NIPAL2: variants seen among roughly 807,000 people sequenced by gnomAD.
NIPAL2 encodes the protein NIPA-like protein 2.
Under a neutral mutation model 48.9 loss-of-function variants are expected in NIPAL2, and 43 were observed. That is an observed-to-expected ratio of 0.88 (90% confidence interval 0.69 to 1.13). NIPAL2 has a LOEUF of 1.13. NIPAL2 is among the 50% of genes most tolerant of loss of function. The pLI is 0.00. For missense variants in NIPAL2, 446 were observed against 461.4 expected (o/e 0.97, Z 0.31); for synonymous variants, 167 against 174.6 (o/e 0.96, Z 0.34).
At chr8:98,194,886 TG>T (rs1383158026) in intron 9 of NIPAL2, 64 bp from the exon 10 acceptor site, 1 of 929,782 alleles carries the variant, frequency 1.1e-6, no homozygotes, top group Admixed American at 2.9e-5. Context: ...ATTAAATAAC[TG>T]AGCTCCATAT....
chr8:98,226,650 G>A lies in NIPAL2; in HGVS notation c.437-4050C>T, dbSNP rs575851570. ...TCCTGAATTGCCTGGAGTTGGGGGC[G>A]AGGGGTGGAATGACACAAGCACCCC... On this transcript the variant is annotated intron_variant, in intron 4 of 10. Coordinates refer to ENST00000430223, the MANE Select transcript of NIPAL2 (RefSeq NM_001321635.2). 2.6e-5 allele frequency among the ~76,000 whole-genome samples: 4 copies of A among 152,176 alleles called. No individual in the cohort carries two copies. In the South Asian group the frequency reaches 6.2e-4, roughly 24 times the overall value.
intron 8 of NIPAL2, among the ~76,000 whole-genome samples, chr8:98,202,261 A>ACTGT (rs374473062): frequency 1.3e-5 from 2 of 152,302 alleles, no homozygotes; most frequent in African/African-American, 4.8e-5. Flanking sequence ...TTTGGATTGT[A>ACTGT]CTGTCTGATC....
At chr8:98,262,932 C>T (rs1032067629) in intron 1 of NIPAL2, among the ~76,000 whole-genome samples, 4 of 151,012 alleles carry the variant, frequency 2.6e-5, no homozygotes, top group African/African-American at 7.3e-5. Context: ...AACTATCTCT[C>T]AGACCACAGT....
chr8:98,278,180 G>C lies in NIPAL2; in HGVS notation c.135+15823C>G, dbSNP rs894611112. Reference sequence around the variant, plus strand: ...ATTGTTGCTCCTTTGTAGGCAATCTGTTATTTTTCTCAGAATGCTTTTAAG... The same window carrying C: ...ATTGTTGCTCCTTTGTAGGCAATCTCTTATTTTTCTCAGAATGCTTTTAAG... On this transcript the variant is annotated intron_variant, in intron 1 of 10. Coordinates refer to ENST00000430223, the MANE Select transcript of NIPAL2 (RefSeq NM_001321635.2). Among the ~76,000 whole-genome samples the C allele has an allele frequency of 7.2e-5, 11 of 152,162 alleles. No individual in the cohort carries two copies. The East Asian group carries it at 2.1e-3, about 29-fold the overall frequency.
At chr8:98,231,816 A>G (rs1812454570) in intron 4 of NIPAL2, 1 of 152,192 alleles carries the variant, frequency 6.6e-6, no homozygotes, top group Non-Finnish European at 1.5e-5. Flanking sequence ...TGGTCCCCAA[A>G]TCTTCATTTG....
chr8:98,190,339 T>A lies in NIPAL2; in HGVS notation c.*2639A>T, dbSNP rs868208539. ...TTTGTTTGTTTGTTTGTTTGTTTGTTTTTGAGACAGTCTTACTCTGTCGCC... is the reference window on the plus strand; with the variant it reads ...TTTGTTTGTTTGTTTGTTTGTTTGTATTTGAGACAGTCTTACTCTGTCGCC... On this transcript the variant is annotated 3_prime_UTR_variant, in exon 11 of 11. Coordinates refer to ENST00000430223, the MANE Select transcript of NIPAL2 (RefSeq NM_001321635.2). 1 of 167,422 alleles carries A rather than the reference T, an allele frequency of 6.0e-6. No homozygotes were observed. The allele number at this position is 167,422 out of a possible 1,614,324, so 10.4% of individuals were successfully genotyped here.
intron 4 of NIPAL2, among the ~76,000 whole-genome samples, chr8:98,223,153 T>G (rs1295849170): frequency 6.6e-6 from 1 of 152,240 alleles, no homozygotes; most frequent in Admixed American, 6.5e-5. Flanking sequence ...TGGAGTCCTT[T>G]TAGCAGCAAT....
chr8:98,234,374 A>G (rs1162020083), intron 4 of NIPAL2, among the ~76,000 whole-genome samples: 1 of 152,196 alleles, frequency 6.6e-6, no homozygotes, highest in East Asian at 1.9e-4. Context: ...CCCCCTTTAT[A>G]TCTGCATTCT....
chr8:98,257,920 G>A (rs921652587), intron 1 of NIPAL2, among the ~76,000 whole-genome samples: 12 of 152,178 alleles, frequency 7.9e-5, no homozygotes, highest in African/African-American at 2.7e-4. Flanking sequence ...CATCTTATGT[G>A]TATTGATTGA....
At chr8:98,272,781 A>AT (rs1196822191) in intron 1 of NIPAL2, among the ~76,000 whole-genome samples, 3 of 152,070 alleles carry the variant, frequency 2.0e-5, no homozygotes, top group Non-Finnish European at 4.4e-5. Context: ...TGCCTGGCTA[A>AT]TTTTTTATAA....
chr8:98,257,903 C>A (rs768207389), intron 1 of NIPAL2, among the ~76,000 whole-genome samples: 12 of 152,084 alleles, frequency 7.9e-5, no homozygotes, highest in Non-Finnish European at 1.5e-4. Context: ...TAGACGGAAC[C>A]AATGCACATC....
chr8:98,217,637 C>A (rs948641602), intron 5 of NIPAL2, among the ~76,000 whole-genome samples: 2 of 152,156 alleles, frequency 1.3e-5, no homozygotes, highest in Admixed American at 6.5e-5. Context: ...AAATTCATCA[C>A]TTCTAGAGTC....
At position 98,217,362 on chromosome 8, in the gene NIPAL2, A is replaced by G. The variant is rs934619215; in HGVS notation, c.559-4861T>C. 12 of 528,722 alleles carry G rather than the reference A, an allele frequency of 2.3e-5. No homozygotes were observed. The African/African-American group carries it at 2.5e-4, about 11-fold the overall frequency. 32.8% of individuals were successfully genotyped at this position (528,722 alleles called of 1,614,324 possible). ...CCGCACTATTATGATTCCTTTTGTGAGAAATATAAAATGTATTCAGGCTTA... is the reference window on the plus strand; with the variant it reads ...CCGCACTATTATGATTCCTTTTGTGGGAAATATAAAATGTATTCAGGCTTA... On this transcript the variant is annotated intron_variant, in intron 5 of 10. Transcript: ENST00000430223.
chr8:98,275,497 C>T (rs1651375849), intron 1 of NIPAL2, among the ~76,000 whole-genome samples: 2 of 152,268 alleles, frequency 1.3e-5, no homozygotes, highest in Non-Finnish European at 2.9e-5. Context: ...TTTAATTATT[C>T]ACTCATTGAA....
chr8:98,277,815 T>G (rs1054991476), intron 1 of NIPAL2, among the ~76,000 whole-genome samples: 2 of 152,250 alleles, frequency 1.3e-5, no homozygotes, highest in African/African-American at 4.8e-5. Flanking sequence ...CTATTTCTTT[T>G]TATGGCTATG....
intron 9 of NIPAL2, among the ~76,000 whole-genome samples, chr8:98,195,052 G>A (rs1810482453): frequency 6.6e-6 from 1 of 152,176 alleles, no homozygotes. Context: ...TTTACCATCT[G>A]GGGGCTAACT....
intron 4 of NIPAL2, among the ~76,000 whole-genome samples, chr8:98,230,972 C>G (rs373733329): frequency 6.6e-6 from 1 of 152,118 alleles, no homozygotes; most frequent in Non-Finnish European, 1.5e-5. Context: ...CTTTTAGGAG[C>G]CTTAAGAGTT....
intron 8 of NIPAL2, 137 bp from the exon 9 acceptor site, chr8:98,196,142 G>T: frequency 2.0e-6 from 1 of 502,888 alleles, no homozygotes; most frequent in Non-Finnish European, 3.4e-6. Context: ...ACATTCAGCA[G>T]TTTAGTTTAA....
Position 98,212,502 on chromosome 8 carries a change from C to T in NIPAL2, c.559-1G>A. On this transcript the variant is annotated splice_acceptor_variant, in intron 5 of 10. Coordinates refer to ENST00000430223, the MANE Select transcript of NIPAL2 (RefSeq NM_001321635.2). LOFTEE classifies it high-confidence loss of function. ...TGCAGAAAATTAATATTTCTAAAAT[C>T]TAGAAATGAAAAAGATGGAAAAGAG... 3.0e-6 allele frequency: 4 copies of T among 1,325,334 alleles called. No homozygotes were observed. The highest frequency in any genetic ancestry group is 3.3e-6 in the Non-Finnish European group (3 of 921,812). 82.1% of individuals were successfully genotyped at this position (1,325,334 alleles called of 1,614,324 possible).
Sources: allele counts gnomAD v4.1 joint callset (sites outside exome capture counted in the v4.1 genomes callset), GRCh38; gene constraint gnomAD v4.1.1; transcripts MANE v1.5; gene names NCBI Gene and HGNC (gene_info 2026-07-23, HGNC 2026-07-21).